MYLK: variants seen among roughly 807,000 people sequenced by gnomAD.
MYLK encodes myosin light chain kinase, also known as myosin light chain kinase, smooth muscle.
A neutral mutation model predicts 203.4 loss-of-function variants in MYLK; 106 were observed. That is an observed-to-expected ratio of 0.52 (90% CI 0.45 to 0.61). The LOEUF is 0.61. MYLK is among the 20% of genes least tolerant of loss of function. The pLI is 0.00. For synonymous variants in MYLK, 867 were observed against 959.5 expected (o/e 0.90, Z 1.78); for missense variants, 2,072 against 2,442.3 (o/e 0.85, Z 3.20).
chr3:123,871,679 C>A (rs1384658067), intron 2 of MYLK, among the ~76,000 whole-genome samples: 2 of 151,860 alleles, frequency 1.3e-5, no homozygotes, highest in Admixed American at 1.3e-4. Context: ...TGTTGAAAAT[C>A]ATGCCGCAAA....
chr3:123,653,367 C>T (rs1206383032), intron 24 of MYLK, among the ~76,000 whole-genome samples: 2 of 152,102 alleles, frequency 1.3e-5, no homozygotes, highest in African/African-American at 2.4e-5. Context: ...AGGACTTTTG[C>T]CTGGAATCCC....
In MYLK at chr3:123,722,032, G is replaced by A. The variant is rs543679474; in HGVS notation, c.1804+96C>T. On this transcript the variant is annotated intron_variant, in intron 13 of 33. Transcript: ENST00000360304. ...ATGTGCACCTCTGCTCCCTGGATTT[G>A]AGCTCATGATACCATTTTCTACAAA... 226 of 1,493,534 alleles carry A rather than the reference G, an allele frequency of 1.5e-4. 2 individuals carry two copies. The African/African-American group carries it at 2.8e-3, about 19-fold the overall frequency. 92.5% of individuals were successfully genotyped at this position (1,493,534 alleles called of 1,614,324 possible). A position where few individuals can be genotyped will look rare whatever the true frequency, so the allele number is the denominator to read the frequency against.
chr3:123,755,517 G>A (rs957397625), intron 4 of MYLK, among the ~76,000 whole-genome samples: 1 of 152,202 alleles, frequency 6.6e-6, no homozygotes, highest in African/African-American at 2.4e-5. Flanking sequence ...TGGACCTGAA[G>A]CAAAGGCAGG....
intron 1 of MYLK, among the ~76,000 whole-genome samples, chr3:123,882,565 G>C (rs912822861): frequency 1.3e-5 from 2 of 152,130 alleles, no homozygotes; most frequent in Admixed American, 6.5e-5. Flanking sequence ...GGTTCTCCAA[G>C]CTCATGCTTA....
chr3:123,694,063 AAGG>A (rs777113291), intron 18 of MYLK, among the ~76,000 whole-genome samples: 4 of 152,190 alleles, frequency 2.6e-5, no homozygotes, highest in South Asian at 2.1e-4. Context: ...CAGCAAATAC[AAGG>A]AGATTAGAAA....
In MYLK at chr3:123,834,028, T is replaced by TTTTGTTTG. The variant is rs528600839; in HGVS notation, c.-126-2366_-126-2359dup. Reference sequence around the variant, plus strand: ...AAACATTTGGCATTTCATTACTGTTTTTTGTTTGTTTGTTTGTTTGTTTTT... The same window carrying TTTTGTTTG: ...AAACATTTGGCATTTCATTACTGTTTTTTGTTTGTTTGTTTGTTTGTTTGTTTGTTTTT... On this transcript the variant is annotated intron_variant, in intron 2 of 33. Coordinates refer to ENST00000360304, the MANE Select transcript of MYLK (RefSeq NM_053025.4). Among the ~76,000 whole-genome samples, 1,041 of 152,122 alleles carry TTTTGTTTG rather than the reference T, an allele frequency of 6.8e-3. 18 individuals carry two copies. The highest frequency in any genetic ancestry group is 0.024 in the African/African-American group (986 of 41,468).
At chr3:123,708,483 C>T (rs748452871) in intron 15 of MYLK, among the ~76,000 whole-genome samples, 2 of 152,188 alleles carry the variant, frequency 1.3e-5, no homozygotes, top group Non-Finnish European at 2.9e-5. Context: ...CCAGAGAGGG[C>T]AGGGACTTCA....
At chr3:123,672,962 C>A (rs1167612607) in intron 20 of MYLK, among the ~76,000 whole-genome samples, 1 of 152,020 alleles carries the variant, frequency 6.6e-6, no homozygotes, top group Non-Finnish European at 1.5e-5. Flanking sequence ...ATAATGTTTC[C>A]ATTTTATGAA....
intron 3 of MYLK, among the ~76,000 whole-genome samples, chr3:123,827,288 G>C (rs1342323127): frequency 6.6e-6 from 1 of 152,076 alleles, no homozygotes; most frequent in Admixed American, 6.5e-5. Flanking sequence ...TGGACATTCA[G>C]GTCTAGAAAG....
At chr3:123,810,554 A>G (rs1204296343) in intron 3 of MYLK, among the ~76,000 whole-genome samples, 2 of 152,236 alleles carry the variant, frequency 1.3e-5, no homozygotes, top group African/African-American at 4.8e-5. Flanking sequence ...GCCAGCTCTA[A>G]GCCTGGCCCT....
chr3:123,813,504 GTC>G (rs376497859), intron 3 of MYLK, among the ~76,000 whole-genome samples: 2 of 150,362 alleles, frequency 1.3e-5, no homozygotes, highest in African/African-American at 4.9e-5. Flanking sequence ...TTAATTCACT[GTC>G]TCTCTCTCTC....
At chr3:123,685,355 G>A (rs1320311738) in intron 19 of MYLK, among the ~76,000 whole-genome samples, 2 of 152,202 alleles carry the variant, frequency 1.3e-5, no homozygotes, top group Non-Finnish European at 1.5e-5. Flanking sequence ...GACTTTGGGA[G>A]GCCAAGGCAG....
chr3:123,804,277 G>C (rs1285994724), intron 3 of MYLK, among the ~76,000 whole-genome samples: 1 of 152,190 alleles, frequency 6.6e-6, no homozygotes, highest in Non-Finnish European at 1.5e-5. Flanking sequence ...GAGAGGGCTA[G>C]CAAGTGGGTT....
intron 12 of MYLK, among the ~76,000 whole-genome samples, chr3:123,725,087 C>A (rs1199915803): frequency 1.3e-5 from 2 of 152,162 alleles, no homozygotes; most frequent in African/African-American, 4.8e-5. Flanking sequence ...TGAGAGTGAG[C>A]TGAGATCCCA....
At chr3:123,772,408 A>G (rs1441784623) in intron 4 of MYLK, among the ~76,000 whole-genome samples, 2 of 152,160 alleles carry the variant, frequency 1.3e-5, no homozygotes, top group African/African-American at 4.8e-5. Context: ...CTTGAAAAAA[A>G]TCCTATTCAA....
intron 32 of MYLK, among the ~76,000 whole-genome samples, 172 bp downstream of exon 32, chr3:123,620,035 T>C (rs2057759164): frequency 6.6e-6 from 1 of 151,818 alleles, no homozygotes; most frequent in African/African-American, 2.4e-5. Flanking sequence ...CGATTAAGAA[T>C]AATTATTAGA....
intron 4 of MYLK, among the ~76,000 whole-genome samples, chr3:123,760,044 A>G (rs1229948915): frequency 6.6e-6 from 1 of 152,218 alleles, no homozygotes; most frequent in East Asian, 1.9e-4. Context: ...AGACAGATCT[A>G]TGTGTGGATG....
chr3:123,802,378 A>G (rs1050157302), intron 3 of MYLK, among the ~76,000 whole-genome samples: 1 of 152,112 alleles, frequency 6.6e-6, no homozygotes, highest in Non-Finnish European at 1.5e-5. Context: ...CTCCCTCCCC[A>G]TGGCTTCCTG....
At chr3:123,692,011 T>C (rs528884730) in intron 19 of MYLK, among the ~76,000 whole-genome samples, 2 of 152,310 alleles carry the variant, frequency 1.3e-5, no homozygotes, top group East Asian at 3.9e-4. Flanking sequence ...ACGAGGTTCA[T>C]CCTACTTCTC....
Sources: gnomAD v4.1 joint callset for allele counts (sites outside exome capture counted in the v4.1 genomes callset) on GRCh38, gnomAD v4.1.1 for gene constraint, MANE v1.5 for transcripts, NCBI Gene and HGNC (gene_info 2026-07-23, HGNC 2026-07-21) for gene names.